Variants in E2F7 observed in about 807,000 individuals in gnomAD.
The protein encoded by E2F7 is transcription factor E2F7.
E2F7 carries 35 observed loss-of-function variants against 81.1 expected under a neutral mutation model. The observed-to-expected ratio is 0.43, with a 90% CI of 0.33 to 0.57. The LOEUF is 0.57. Ranked by LOEUF, E2F7 falls within the 20% of genes least tolerant of loss-of-function variation. The pLI is 0.04. For missense variants in E2F7, 961 were observed against 1,093.7 expected, an observed-to-expected ratio of 0.88 and a Z score of 1.71; for synonymous variants, 416 against 416.2, an observed-to-expected ratio of 1.00 and a Z score of 0.01.
At chr12:77,054,530 A>G (rs1405910523) in intron 3 of E2F7, among the ~76,000 whole-genome samples, 1 of 152,208 alleles carries the variant, frequency 6.6e-6, no homozygotes, top group African/African-American at 2.4e-5. Context: ...ATTTTAAAAG[A>G]AAGTCTGTTT....
At chr12:77,045,493 T>G (rs1954932617) in intron 5 of E2F7, 1 of 153,452 alleles carries the variant, frequency 6.5e-6, no homozygotes, top group Non-Finnish European at 1.5e-5. Context: ...GACGTGATAC[T>G]TGTACTTTGT....
intron 8 of E2F7, 136 bp downstream of exon 8, chr12:77,033,721 A>G (rs1954824397): frequency 1.2e-6 from 1 of 816,280 alleles, no homozygotes; most frequent in Non-Finnish European, 1.8e-6. Flanking sequence ...AGCTAAGTAA[A>G]AAGTAGACCA....
rs561641555 is a variant in E2F7 at position 77,045,451 on chromosome 12, C to A, written c.829+587G>T. Among the ~76,000 whole-genome samples, 19 of 152,304 alleles carry A rather than the reference C, an allele frequency of 1.2e-4. No homozygotes were observed. The South Asian group carries it at 1.9e-3, about 15-fold the overall frequency. ...GTAACTCTAATGAAAACCAGGCCCA[C>A]CTTTCTTTCCATTTCTTATATTTGC... is the stretch of plus-strand genomic sequence containing the variant. On this transcript the variant is annotated intron_variant, in intron 5 of 12. Coordinates refer to ENST00000322886, the MANE Select transcript of E2F7 (RefSeq NM_203394.3).
intron 3 of E2F7, among the ~76,000 whole-genome samples, chr12:77,051,569 T>C (rs1332807983): frequency 1.3e-5 from 2 of 152,224 alleles, no homozygotes; most frequent in Admixed American, 6.5e-5. Flanking sequence ...CACACCAACA[T>C]GGGACATGTA....
At chr12:77,027,583 A>G (rs760678124) in intron 11 of E2F7, among the ~76,000 whole-genome samples, 43 of 152,232 alleles carry the variant, frequency 2.8e-4, no homozygotes, top group Admixed American at 1.2e-3. Context: ...ACAGGTTCAC[A>G]CTATTATACT....
Position 77,047,001 on chromosome 12 carries a change from A to G in E2F7, c.539-673T>C, listed in dbSNP as rs1697947412. Among the ~76,000 whole-genome samples the G allele has an allele frequency of 2.6e-5, 4 of 152,212 alleles. No homozygotes were observed. The South Asian group carries it at 8.3e-4, about 32-fold the overall frequency. ...ACATGGGAGTCTCCTTTTGTTCATC[A>G]TGGCTATAGACAATTCTCTGTGTTC... On this transcript the variant is annotated intron_variant, in intron 4 of 12. Transcript: ENST00000322886.
At chr12:77,046,632 G>A (rs772840505) in intron 4 of E2F7, among the ~76,000 whole-genome samples, 3 of 152,146 alleles carry the variant, frequency 2.0e-5, no homozygotes, top group Non-Finnish European at 4.4e-5. Flanking sequence ...GGCAAACCAC[G>A]CGAACATTTC....
chr12:77,036,971 A>G (rs972362943), intron 7 of E2F7, among the ~76,000 whole-genome samples: 1 of 152,028 alleles, frequency 6.6e-6, no homozygotes, highest in Non-Finnish European at 1.5e-5. Context: ...GGATGGTCTC[A>G]ATCTCCTGAC....
chr12:77,034,117 G>T, intron 7 of E2F7, 75 bp from the exon 8 acceptor site: 1 of 1,285,882 alleles, frequency 7.8e-7, no homozygotes. Flanking sequence ...TTAAGAGATG[G>T]CTTTGAACCT....
In E2F7 at chr12:77,025,735, G is replaced by A. The variant is rs776153992; in HGVS notation, c.2388C>T (p.Val796=). Residue 796 remains valine, a synonymous_variant, in exon 12 of 13, where the codon GTC becomes GTT. Transcript: ENST00000322886. The part of the protein sequence containing the change: ...PGLGSIAQLL[V]GPTAVVNPKS... ...TTGGATTAACCACAGCTGTGGGGCC[G>A]ACGAGAAGCTGGGCTATTGATCCAA... The A allele has an allele frequency of 5.0e-6, 8 of 1,614,042 alleles. No individual in the cohort carries two copies. Among genetic ancestry groups the A allele is most frequent in the Admixed American group, 1.7e-5 (1 of 59,998 alleles).
rs756011148 is a variant in E2F7, at chr12:77,046,333, T to C, written c.539-5A>G. 6.2e-7 allele frequency: 1 copy of C among 1,607,152 alleles called. No individual in the cohort carries two copies. The highest frequency in any genetic ancestry group is 2.2e-5 in the East Asian group (1 of 44,730). Reference sequence around the variant, plus strand: ...AGATGCGTCTCCTTTCCACACCTGTTTGAAAAACAGAGGCTGATGGACATC... The same window carrying C: ...AGATGCGTCTCCTTTCCACACCTGTCTGAAAAACAGAGGCTGATGGACATC... On this transcript the variant is annotated splice_polypyrimidine_tract_variant and splice_region_variant and intron_variant, in intron 4 of 12. Coordinates refer to ENST00000322886, the MANE Select transcript of E2F7 (RefSeq NM_203394.3).
At chr12:77,036,008 GA>G (rs1425425791) in intron 7 of E2F7, among the ~76,000 whole-genome samples, 1 of 12,058 alleles carries the variant, frequency 8.3e-5, no homozygotes, top group Non-Finnish European at 2.2e-4. Flanking sequence ...AATGAAACGA[GA>G]AAAAAGACAG....
rs1375286826 is a variant in E2F7 at position 77,046,028 on chromosome 12, A to G, written c.829+10T>C. 6.2e-7 allele frequency: 1 copy of G among 1,610,382 alleles called. No individual in the cohort carries two copies. Among genetic ancestry groups the G allele is most frequent in the Admixed American group, 1.7e-5 (1 of 59,738 alleles). On this transcript the variant is annotated intron_variant, in intron 5 of 12. Transcript: ENST00000322886. ...CTCTGCCATTACTCATGAAGTTACA[A>G]TGGACTCACAAGAGGGACAGTCGGG...
chr12:77,060,230 G>C (rs1955067615), intron 2 of E2F7, among the ~76,000 whole-genome samples: 1 of 150,870 alleles, frequency 6.6e-6, no homozygotes, highest in African/African-American at 2.5e-5. Context: ...CCCTCCATTA[G>C]AGTGTCCTGT....
intron 2 of E2F7, among the ~76,000 whole-genome samples, chr12:77,064,160 C>T (rs1441514884): frequency 2.0e-5 from 3 of 152,210 alleles, no homozygotes; most frequent in Non-Finnish European, 4.4e-5. Flanking sequence ...CATTTCACAG[C>T]ACTTTAATAA....
chr12:77,030,639 C>A (rs183864766), intron 9 of E2F7, among the ~76,000 whole-genome samples: 1 of 152,186 alleles, frequency 6.6e-6, no homozygotes, highest in Non-Finnish European at 1.5e-5. Context: ...AGCACTTACA[C>A]CCTTGCCAGG....
intron 2 of E2F7, among the ~76,000 whole-genome samples, chr12:77,060,580 TC>T (rs1367646081): frequency 6.6e-6 from 1 of 151,434 alleles, no homozygotes; most frequent in Non-Finnish European, 1.5e-5. Context: ...CTCATGCACA[TC>T]CCACATTCTG....
intron 4 of E2F7, among the ~76,000 whole-genome samples, chr12:77,047,627 CA>C (rs1453489549): frequency 6.6e-6 from 1 of 152,188 alleles, no homozygotes; most frequent in African/African-American, 2.4e-5. Context: ...GTTGGCCCTT[CA>C]AAAATTTAAC....
At chr12:77,061,082 T>G (rs777587045) in intron 2 of E2F7, among the ~76,000 whole-genome samples, 11 of 152,156 alleles carry the variant, frequency 7.2e-5, no homozygotes, top group African/African-American at 1.7e-4. Context: ...CTATTTTCAC[T>G]CTTACAAACC....
Sources: allele counts gnomAD v4.1 joint callset (sites outside exome capture counted in the v4.1 genomes callset), GRCh38; gene constraint gnomAD v4.1.1; transcripts MANE v1.5; gene names NCBI Gene and HGNC (gene_info 2026-07-23, HGNC 2026-07-21).